DDX3X: variants seen among roughly 807,000 people sequenced by gnomAD.
DDX3X encodes ATP-dependent RNA helicase DDX3X.
In DDX3X, 4 loss-of-function variants were observed where a neutral mutation model predicts 52.7. That is an observed-to-expected ratio of 0.08 (90% CI 0.04 to 0.17). DDX3X has a LOEUF of 0.17. DDX3X is among the 10% of genes least tolerant of loss of function. The pLI is 1.00. For missense variants in DDX3X, 222 were observed against 548.6 expected (o/e 0.40, Z 5.95); for synonymous variants, 192 against 178.1 (o/e 1.08, Z -0.62).
At chrX:41,358,507 C>T (rs2064017791) in intron 5 of DDX3X, among the ~76,000 whole-genome samples, 2 of 111,884 alleles carry the variant, frequency 1.8e-5, no homozygotes, top group Non-Finnish European at 3.8e-5. Context: ...TTTGAGAGTA[C>T]TTTGGAGTTA....
chrX:41,339,012 T>A (rs781463261), intron 2 of DDX3X, 24 bp from the exon 3 acceptor site: 50 of 748,838 alleles, frequency 6.7e-5, no homozygotes, highest in African/African-American at 2.5e-4. Context: ...TTAATTAATT[T>A]TATATATATA....
At chrX:41,345,718 G>T (rs912868081) in intron 12 of DDX3X, 170 bp downstream of exon 12, 2 of 436,353 alleles carry the variant, frequency 4.6e-6, no homozygotes, top group African/African-American at 5.1e-5. Flanking sequence ...GCAACCTGGT[G>T]CTCCCTTGCT....
At chrX:41,343,708 G>A (rs1347752818) in intron 7 of DDX3X, 29 bp from the exon 8 acceptor site, 4 of 1,156,868 alleles carry the variant, frequency 3.5e-6, no homozygotes, top group East Asian at 6.0e-5. Context: ...AAAGTAATGA[G>A]CAGGATTTGT....
At chrX:41,337,294 G>A in intron 1 of DDX3X, 114 bp from the exon 2 acceptor site, 1 of 608,761 alleles carries the variant, frequency 1.6e-6, no homozygotes, top group South Asian at 2.5e-5. Flanking sequence ...GCCCTGTGAG[G>A]TGGACTGGGC....
chrX:41,351,363 C>T (rs1028270826), downstream of DDX3X: 1 of 111,955 alleles, frequency 8.9e-6, no homozygotes, highest in Non-Finnish European at 1.9e-5. Context: ...CACTCTTGGG[C>T]ACTGTTGATG....
chrX:41,334,886 C>A, intron 1 of DDX3X: 1 of 488,686 alleles, frequency 2.0e-6, no homozygotes, highest in Non-Finnish European at 2.7e-6. Flanking sequence ...CGGCGGGTCT[C>A]GGGCGGGCGA....
chrX:41,340,993 T>A (rs1442465795), intron 3 of DDX3X: 2 of 254,755 alleles, frequency 7.9e-6, no homozygotes, highest in African/African-American at 5.7e-5. Context: ...GTAATTTTTT[T>A]TTTTTTGAGA....
intron 12 of DDX3X, chrX:41,345,861 C>CA (rs886419089): frequency 8.1e-6 from 2 of 246,235 alleles, no homozygotes; most frequent in African/African-American, 2.9e-5. Flanking sequence ...TACAGGCACT[C>CA]ACCACTGCAC....
At chrX:41,345,606 CTGG>C in intron 12 of DDX3X, 58 bp downstream of exon 12, 2 of 1,011,178 alleles carry the variant, frequency 2.0e-6, no homozygotes, top group Non-Finnish European at 2.7e-6. Context: ...GTTGCCCAGG[CTGG>C]AGTGCAGGGG....
downstream of DDX3X, among the ~76,000 whole-genome samples, chrX:41,353,371 G>A (rs1569244273): frequency 9.2e-6 from 1 of 109,108 alleles, no homozygotes; most frequent in Non-Finnish European, 1.9e-5. Context: ...AGGAGGCTGA[G>A]GCAGGAGAAT....
At chrX:41,334,670 CT>C in intron 1 of DDX3X, 2 of 1,039,402 alleles carry the variant, frequency 1.9e-6, no homozygotes, top group Non-Finnish European at 2.5e-6. Flanking sequence ...ACTGGAGGCC[CT>C]TTTGGCTTGG....
chrX:41,345,819 C>T (rs1445409723), intron 12 of DDX3X: 11 of 286,171 alleles, frequency 3.8e-5, no homozygotes, highest in Non-Finnish European at 6.6e-5. Context: ...CTTAGACAAT[C>T]CTCCTGCCTC....
intron 10 of DDX3X, 22 bp from the exon 11 acceptor site, chrX:41,345,158 G>C: frequency 8.3e-7 from 1 of 1,198,321 alleles, no homozygotes; most frequent in Non-Finnish European, 1.1e-6. Flanking sequence ...ACTCAGGCTT[G>C]TTTTTTTTCA....
chrX:41,344,763 G>A (rs2063900356), intron 10 of DDX3X, among the ~76,000 whole-genome samples: 1 of 112,110 alleles, frequency 8.9e-6, no homozygotes, highest in South Asian at 3.7e-4. Flanking sequence ...TAAATGTATG[G>A]GATGCAGTAT....
chrX:41,343,305 T>C lies in DDX3X; in HGVS notation c.633T>C (p.Ile211=). 8.3e-7 allele frequency: 1 copy of C among 1,206,473 alleles called. No individual in the cohort carries two copies. Among genetic ancestry groups the C allele is most frequent in the African/African-American group, 1.7e-5 (1 of 57,652 alleles). ...TRPTPVQKHA[I]PIIKEKRDLM... is the part of the protein sequence containing the mutation. Reference sequence around the variant, plus strand: ...CAACTCCAGTGCAAAAGCATGCTATTCCTATTATCAAAGAGAAAAGAGACT... The same window carrying C: ...CAACTCCAGTGCAAAAGCATGCTATCCCTATTATCAAAGAGAAAAGAGACT... Residue 211 remains isoleucine, a synonymous_variant, in exon 7 of 17, where the codon ATT becomes ATC. Transcript: ENST00000644876.
chrX:41,341,433 G>T (rs763452781), intron 3 of DDX3X, 51 bp from the exon 4 acceptor site: 21 of 1,050,971 alleles, frequency 2.0e-5, no homozygotes, highest in Middle Eastern at 5.4e-4. Flanking sequence ...CCTTAACATG[G>T]TTCCTATTTC....
chrX:41,334,766 A>G, intron 1 of DDX3X: 1 of 961,966 alleles, frequency 1.0e-6, no homozygotes, highest in Non-Finnish European at 1.3e-6. Context: ...CCTGCGAGCA[A>G]GGGGTAGAAC....
chrX:41,364,103 A>G (rs1436515475), intron 5 of DDX3X, among the ~76,000 whole-genome samples: 1 of 111,995 alleles, frequency 8.9e-6, no homozygotes, highest in Admixed American at 9.5e-5. Context: ...TGCCTCTCTA[A>G]GAATAGTTGG....
intron 1 of DDX3X, 196 bp downstream of exon 1, chrX:41,334,493 C>A: frequency 9.1e-7 from 1 of 1,096,102 alleles, no homozygotes; most frequent in Non-Finnish European, 1.2e-6. Flanking sequence ...GGTCTCGGCC[C>A]GCTGTATTGT....
Sources: gnomAD v4.1 joint callset for allele counts (sites outside exome capture counted in the v4.1 genomes callset) on GRCh38, gnomAD v4.1.1 for gene constraint, MANE v1.5 for transcripts, NCBI Gene and HGNC (gene_info 2026-07-23, HGNC 2026-07-21) for gene names.